The following USP34 variants were observed in gnomAD, a reference collection of about 807,000 sequenced individuals.
USP34 encodes the protein ubiquitin carboxyl-terminal hydrolase 34.
Under a neutral mutation model 460.3 loss-of-function variants are expected in USP34, and 70 were observed. The ratio of observed to expected loss-of-function variants is 0.15; its 90% CI spans 0.13 to 0.19. The LOEUF is 0.19. USP34 is among the 10% of genes least tolerant of loss of function. The probability of loss-of-function intolerance (pLI) is 1.00; values close to 1 mark genes in which losing one functional copy is unlikely to be tolerated. For missense variants in USP34, 3,985 were observed against 4,236.2 expected (o/e 0.94, Z 1.65); for synonymous variants, 1,647 against 1,405.3 (o/e 1.17, Z -3.85).
At chr2:61,339,728 G>A (rs372189250) in intron 16 of USP34, 47 bp from the exon 17 acceptor site, 3 of 1,031,910 alleles carry the variant, frequency 2.9e-6, no homozygotes, top group African/African-American at 3.4e-5. Flanking sequence ...AAATGCAGCT[G>A]ACTGATTATA....
At chr2:61,190,778 T>C in intron 76 of USP34, 120 bp from the exon 77 acceptor site, 1 of 1,288,720 alleles carries the variant, frequency 7.8e-7, no homozygotes, top group Non-Finnish European at 1.0e-6. Flanking sequence ...CCACTGAAAA[T>C]CCTACTTGAA....
chr2:61,298,247 T>A, intron 29 of USP34, among the ~76,000 whole-genome samples: 1 of 150,284 alleles, frequency 6.7e-6, no homozygotes, highest in East Asian at 1.9e-4. Flanking sequence ...TGCAGCTGGG[T>A]GCAGTGGCTC....
rs940769142 is a variant in USP34 at position 61,265,839 on chromosome 2, C to CT, written c.5617+144dup. On this transcript the variant is annotated intron_variant, in intron 42 of 79. Coordinates refer to ENST00000398571, the MANE Select transcript of USP34 (RefSeq NM_014709.4). The stretch of plus-strand genomic sequence containing the variant: ...AAAAGGTCCTTCACATCAATGTTTA[C>CT]TTTTTAACTTTAATAACACCCTACC... 3.5e-6 allele frequency: 3 copies of CT among 868,140 alleles called. No individual in the cohort carries two copies. In the African/African-American group the frequency reaches 5.2e-5, roughly 15 times the overall value. The allele number at this position is 868,140 out of a possible 1,614,324, so 53.8% of individuals were successfully genotyped here. A position where few individuals can be genotyped will look rare whatever the true frequency, so the allele number is the denominator to read the frequency against.
chr2:61,314,363 T>C (rs559484058), intron 25 of USP34, among the ~76,000 whole-genome samples: 3 of 152,260 alleles, frequency 2.0e-5, no homozygotes, highest in South Asian at 4.1e-4. Flanking sequence ...AACTCTATTA[T>C]TAAAGGTGTG....
chr2:61,421,884 G>T (rs1694372261), intron 1 of USP34, among the ~76,000 whole-genome samples: 1 of 152,070 alleles, frequency 6.6e-6, no homozygotes, highest in African/African-American at 2.4e-5. Flanking sequence ...CTCCAGAAAT[G>T]CTGGTAAGCT....
intron 3 of USP34, among the ~76,000 whole-genome samples, chr2:61,402,127 A>G (rs2103924009): frequency 6.6e-6 from 1 of 152,082 alleles, no homozygotes; most frequent in East Asian, 2.0e-4. Flanking sequence ...AAATAAAAAT[A>G]AACTTAGCCA....
At chr2:61,279,520 G>A (rs1326964142) in intron 39 of USP34, among the ~76,000 whole-genome samples, 3 of 152,120 alleles carry the variant, frequency 2.0e-5, no homozygotes, top group African/African-American at 7.2e-5. Context: ...CTAGAGTGCA[G>A]GGGCGTGATC....
Position 61,304,220 on chromosome 2 carries a change from T to C in USP34, c.3818-2766A>G, listed in dbSNP as rs951759850. ...AATATTTTGGTAGATTTTTATTAAA[T>C]GTCTAACTTGATGAGACAATTAAAT... On this transcript the variant is annotated intron_variant, in intron 27 of 79. Transcript: ENST00000398571. Among the ~76,000 whole-genome samples the C allele has an allele frequency of 5.9e-5, 9 of 152,236 alleles. No individual in the cohort carries two copies. In the East Asian group the frequency reaches 1.5e-3, roughly 26 times the overall value.
chr2:61,336,600 G>A (rs1254488763), intron 18 of USP34, among the ~76,000 whole-genome samples: 2 of 150,906 alleles, frequency 1.3e-5, no homozygotes, highest in East Asian at 1.9e-4. Flanking sequence ...ACTTGAGGTC[G>A]GGAGTTCGAG....
chr2:61,440,808 A>G (rs1348074128), intron 1 of USP34, among the ~76,000 whole-genome samples: 1 of 150,590 alleles, frequency 6.6e-6, no homozygotes, highest in African/African-American at 2.4e-5. Context: ...GTAAGGCACC[A>G]CACCCGGCCT....
intron 18 of USP34, among the ~76,000 whole-genome samples, chr2:61,336,395 G>C (rs1015527442): frequency 6.6e-6 from 1 of 151,612 alleles, no homozygotes; most frequent in South Asian, 2.1e-4. Flanking sequence ...CAAAGTGTTG[G>C]ACTTACACGC....
chr2:61,458,262 A>C (rs986302426), intron 1 of USP34, among the ~76,000 whole-genome samples: 2 of 152,136 alleles, frequency 1.3e-5, no homozygotes, highest in African/African-American at 4.8e-5. Flanking sequence ...ACTTAAAAGC[A>C]TAAGAAGGTA....
At position 61,222,630 on chromosome 2, in the gene USP34, A is replaced by T. The variant is rs758752695; in HGVS notation, c.7783T>A (p.Leu2595Met). 6.2e-7 allele frequency: 1 copy of T among 1,612,294 alleles called. No individual in the cohort carries two copies. Among genetic ancestry groups the T allele is most frequent in the Non-Finnish European group, 8.5e-7 (1 of 1,178,926 alleles). ...VSMLFTSIAK[L>M]TPEAANPFFK... ...AAATGTTTACATACCTCAGGAGTCA[A>T]CTTTGCTATTGATGTGAAAAGCATA... Residue 2595 changes from leucine to methionine, a missense_variant, in exon 65 of 80, where the codon TTG becomes ATG. Transcript: ENST00000398571.
intron 1 of USP34, among the ~76,000 whole-genome samples, chr2:61,442,449 C>A (rs1466257610): frequency 2.0e-5 from 3 of 147,476 alleles, no homozygotes; most frequent in Non-Finnish European, 3.0e-5. Context: ...AATGCACACA[C>A]AATGTGAATA....
At chr2:61,449,982 C>T (rs2104058410) in intron 1 of USP34, among the ~76,000 whole-genome samples, 1 of 152,296 alleles carries the variant, frequency 6.6e-6, no homozygotes, top group East Asian at 1.9e-4. Context: ...TGGAGAATCA[C>T]TTGAACCCAG....
At chr2:61,346,102 A>G (rs1305663194) in intron 15 of USP34, among the ~76,000 whole-genome samples, 1 of 152,164 alleles carries the variant, frequency 6.6e-6, no homozygotes, top group Non-Finnish European at 1.5e-5. Context: ...ATCACAATTT[A>G]GGAAAGTTTC....
chr2:61,446,979 G>A (rs1048938159), intron 1 of USP34, among the ~76,000 whole-genome samples: 1 of 152,090 alleles, frequency 6.6e-6, no homozygotes, highest in Non-Finnish European at 1.5e-5. Context: ...ATTAGGCCGG[G>A]CGTGGTGGCT....
chr2:61,225,761 T>C (rs1687707714), intron 62 of USP34, among the ~76,000 whole-genome samples: 1 of 152,240 alleles, frequency 6.6e-6, no homozygotes, highest in South Asian at 2.1e-4. Context: ...ATTTACTTTG[T>C]TTTATGAGTG....
intron 33 of USP34, among the ~76,000 whole-genome samples, chr2:61,292,162 TGGA>T (rs990736404): frequency 6.6e-6 from 1 of 152,114 alleles, no homozygotes; most frequent in African/African-American, 2.4e-5. Flanking sequence ...CAGTACATTT[TGGA>T]GGAGTACATT....
Sources: gnomAD v4.1 joint callset for allele counts (sites outside exome capture counted in the v4.1 genomes callset) on GRCh38, gnomAD v4.1.1 for gene constraint, MANE v1.5 for transcripts, NCBI Gene and HGNC (gene_info 2026-07-23, HGNC 2026-07-21) for gene names.